VRK1: variants seen among roughly 807,000 people sequenced by gnomAD.
VRK1 encodes VRK serine/threonine kinase 1.
A neutral mutation model predicts 57.1 loss-of-function variants in VRK1; 33 were observed. The ratio of observed to expected loss-of-function variants is 0.58; its 90% CI spans 0.44 to 0.77. The LOEUF (loss-of-function observed/expected upper bound fraction) is 0.77. Among genes scored for constraint, VRK1 ranks in the 30% least tolerant of loss-of-function variants. The probability of loss-of-function intolerance (pLI) is 0.00; values close to 1 mark genes in which losing one functional copy is unlikely to be tolerated. For missense variants in VRK1, 413 were observed against 477.3 expected, an observed-to-expected ratio of 0.87 and a Z score of 1.25; for synonymous variants, 137 against 147.8, an observed-to-expected ratio of 0.93 and a Z score of 0.53.
At chr14:96,815,345 A>T (rs546522377) in intron 1 of VRK1, among the ~76,000 whole-genome samples, 1 of 152,190 alleles carries the variant, frequency 6.6e-6, no homozygotes, top group Non-Finnish European at 1.5e-5. Flanking sequence ...AGGGATGCAG[A>T]TAAATGTATT....
chr14:96,855,168 G>T (rs1227358185), intron 7 of VRK1, 56 bp from the exon 8 acceptor site: 1 of 1,612,822 alleles, frequency 6.2e-7, no homozygotes, highest in African/African-American at 1.3e-5. Context: ...TGCTTTAAAG[G>T]GTTATATGTG....
At chr14:96,811,333 A>G (rs1014086802) in intron 1 of VRK1, among the ~76,000 whole-genome samples, 6 of 152,196 alleles carry the variant, frequency 3.9e-5, no homozygotes, top group Admixed American at 1.3e-4. Context: ...AAAATTAGCT[A>G]TCTCCTGCAG....
At chr14:96,877,771 A>G (rs1889102558) in intron 12 of VRK1, 1 of 748,540 alleles carries the variant, frequency 1.3e-6, no homozygotes, top group Non-Finnish European at 1.6e-6. Context: ...CTGCCTGGAC[A>G]TCATTTGTTA....
At chr14:96,821,521 T>C (rs1886596778) in intron 1 of VRK1, among the ~76,000 whole-genome samples, 1 of 152,186 alleles carries the variant, frequency 6.6e-6, no homozygotes, top group African/African-American at 2.4e-5. Context: ...TCATTGCTGT[T>C]TTCTAAAAAA....
intron 3 of VRK1, among the ~76,000 whole-genome samples, chr14:96,844,785 G>T (rs557398390): frequency 6.6e-6 from 1 of 152,044 alleles, no homozygotes; most frequent in African/African-American, 2.4e-5. Context: ...CAAGTGATCC[G>T]CCCGTCTTGG....
chr14:96,853,465 T>A (rs532740858), intron 7 of VRK1, among the ~76,000 whole-genome samples: 1 of 152,216 alleles, frequency 6.6e-6, no homozygotes, highest in East Asian at 1.9e-4. Context: ...CACCAATGAA[T>A]TATGTTTGCC....
intron 5 of VRK1, among the ~76,000 whole-genome samples, chr14:96,849,349 CAT>C (rs1887853722): frequency 6.6e-6 from 1 of 151,902 alleles, no homozygotes; most frequent in Non-Finnish European, 1.5e-5. Context: ...AACCACATTT[CAT>C]AGAGATGATT....
intron 3 of VRK1, among the ~76,000 whole-genome samples, chr14:96,845,825 T>A (rs1402370849): frequency 1.3e-5 from 2 of 152,198 alleles, no homozygotes; most frequent in African/African-American, 4.8e-5. Context: ...GTTTAAACAT[T>A]TTTCTTAAAC....
chr14:96,854,210 A>G (rs1435574973), intron 7 of VRK1, among the ~76,000 whole-genome samples: 1 of 152,196 alleles, frequency 6.6e-6, no homozygotes, highest in Non-Finnish European at 1.5e-5. Flanking sequence ...GGCTAAGAAC[A>G]AAGAAAACGC....
intron 3 of VRK1, among the ~76,000 whole-genome samples, chr14:96,842,088 C>T (rs541897224): frequency 6.6e-6 from 1 of 152,140 alleles, no homozygotes; most frequent in Non-Finnish European, 1.5e-5. Context: ...CTGATAAGGA[C>T]CTTGTCAATA....
intron 1 of VRK1, among the ~76,000 whole-genome samples, chr14:96,823,520 G>T (rs1463804616): frequency 6.6e-6 from 1 of 152,186 alleles, no homozygotes; most frequent in Non-Finnish European, 1.5e-5. Flanking sequence ...ATGGGGGCAG[G>T]AATGATTCTG....
intron 10 of VRK1, among the ~76,000 whole-genome samples, chr14:96,856,926 C>CCA (rs1276736709): frequency 6.6e-6 from 1 of 152,066 alleles, no homozygotes; most frequent in Non-Finnish European, 1.5e-5. Context: ...CGAGATTGTG[C>CCA]CACTGCACAC....
intron 11 of VRK1, among the ~76,000 whole-genome samples, chr14:96,869,236 A>G (rs886868364): frequency 6.6e-6 from 1 of 152,240 alleles, no homozygotes; most frequent in Non-Finnish European, 1.5e-5. Flanking sequence ...TGACCAGTAA[A>G]TGTTAACTGC....
At chr14:96,864,205 G>A (rs1472656164) in intron 11 of VRK1, among the ~76,000 whole-genome samples, 1 of 152,106 alleles carries the variant, frequency 6.6e-6, no homozygotes, top group East Asian at 1.9e-4. Flanking sequence ...TTATTTGGCT[G>A]AATTTTGTCA....
chr14:96,830,718 G>A (rs1886970394), intron 1 of VRK1, among the ~76,000 whole-genome samples: 1 of 152,048 alleles, frequency 6.6e-6, no homozygotes. Context: ...AGTTTCGTAT[G>A]CAGCCAGTTT....
intron 12 of VRK1, among the ~76,000 whole-genome samples, chr14:96,879,662 CT>C (rs1318938127): frequency 6.6e-6 from 1 of 152,062 alleles, no homozygotes; most frequent in Non-Finnish European, 1.5e-5. Context: ...GGCGCAGTGG[CT>C]CATGCTTGTA....
At chr14:96,849,564 T>C (rs1370632476) in intron 5 of VRK1, among the ~76,000 whole-genome samples, 3 of 152,212 alleles carry the variant, frequency 2.0e-5, no homozygotes, top group African/African-American at 7.2e-5. Flanking sequence ...GTTAACTTTC[T>C]GTCTCTCTTG....
chr14:96,859,309 G>A (rs1281577621), intron 10 of VRK1, among the ~76,000 whole-genome samples: 1 of 152,108 alleles, frequency 6.6e-6, no homozygotes, highest in African/African-American at 2.4e-5. Flanking sequence ...GTAGTATTAT[G>A]TTGTTTGTGA....
At chr14:96,867,271 CTG>C (rs1566716970) in intron 11 of VRK1, among the ~76,000 whole-genome samples, 1 of 152,120 alleles carries the variant, frequency 6.6e-6, no homozygotes, top group Non-Finnish European at 1.5e-5. Context: ...CCAAAAATGT[CTG>C]TTTTTTCCCC....
Sources: allele counts gnomAD v4.1 joint callset (sites outside exome capture counted in the v4.1 genomes callset), GRCh38; gene constraint gnomAD v4.1.1; transcripts MANE v1.5; gene names NCBI Gene and HGNC (gene_info 2026-07-23, HGNC 2026-07-21).